Variants in DIPK1A observed in about 807,000 individuals in gnomAD.
DIPK1A encodes the protein family with sequence similarity 69 member A.
In DIPK1A, 27 loss-of-function variants were observed where a neutral mutation model predicts 40.8. The observed-to-expected ratio is 0.66, with a 90% CI of 0.49 to 0.91. The LOEUF is 0.91. Among genes scored for constraint, DIPK1A ranks in the 40% least tolerant of loss-of-function variants. DIPK1A has a pLI of 0.00. For synonymous variants in DIPK1A, 166 were observed against 171.3 expected (o/e 0.97, Z 0.24); for missense variants, 412 against 505.7 (o/e 0.81, Z 1.78).
At chr1:92,861,849 C>A (rs566247554) in intron 2 of DIPK1A, among the ~76,000 whole-genome samples, 5 of 151,912 alleles carry the variant, frequency 3.3e-5, no homozygotes, top group African/African-American at 4.8e-5. Flanking sequence ...TGGCGTTATG[C>A]CTCACTGTAG....
At chr1:92,880,185 T>G (rs1025620181) in intron 1 of DIPK1A, among the ~76,000 whole-genome samples, 1 of 152,218 alleles carries the variant, frequency 6.6e-6, no homozygotes, top group Non-Finnish European at 1.5e-5. Flanking sequence ...CAAAATGTGT[T>G]TGAGAAACTT....
At chr1:92,912,003 C>CAAAAAAAAA in intron 1 of DIPK1A, among the ~76,000 whole-genome samples, 1 of 43,672 alleles carries the variant, frequency 2.3e-5, no homozygotes, top group Non-Finnish European at 3.6e-5. Context: ...GACTCCATCT[C>CAAAAAAAAA]AAAAAAAAAA....
At chr1:92,834,734 C>G (rs747429475) in intron 4 of DIPK1A, 1 of 1,609,120 alleles carries the variant, frequency 6.2e-7, no homozygotes, top group East Asian at 2.2e-5. Flanking sequence ...TGTAGTAAGA[C>G]AGTGAAAGCA....
At chr1:92,924,009 A>G (rs1218175344) in intron 1 of DIPK1A, among the ~76,000 whole-genome samples, 1 of 152,260 alleles carries the variant, frequency 6.6e-6, no homozygotes, top group African/African-American at 2.4e-5. Context: ...TAGGGACTCA[A>G]ATAACATACC....
intron 1 of DIPK1A, among the ~76,000 whole-genome samples, chr1:92,951,426 G>A (rs1651628986): frequency 1.3e-5 from 2 of 152,158 alleles, no homozygotes; most frequent in African/African-American, 2.4e-5. Flanking sequence ...TCTGGAAGCC[G>A]AATCATTCCC....
chr1:92,874,441 C>A (rs1224068600), intron 2 of DIPK1A, among the ~76,000 whole-genome samples: 9 of 152,144 alleles, frequency 5.9e-5, no homozygotes, highest in Non-Finnish European at 1.3e-4. Context: ...ATATTAGTAT[C>A]TAAAAGAACC....
At chr1:92,896,743 G>A (rs1169152039) in intron 1 of DIPK1A, among the ~76,000 whole-genome samples, 1 of 152,058 alleles carries the variant, frequency 6.6e-6, no homozygotes, top group East Asian at 1.9e-4. Flanking sequence ...GAAAATTTTT[G>A]CAATCTACTC....
chr1:92,929,865 A>G (rs1442310904), intron 1 of DIPK1A, among the ~76,000 whole-genome samples: 1 of 152,188 alleles, frequency 6.6e-6, no homozygotes, highest in African/African-American at 2.4e-5. Context: ...TGACTTTCCA[A>G]GTTGTCACAA....
At chr1:92,867,076 G>C (rs1371476874) in intron 2 of DIPK1A, among the ~76,000 whole-genome samples, 1 of 152,110 alleles carries the variant, frequency 6.6e-6, no homozygotes, top group Non-Finnish European at 1.5e-5. Flanking sequence ...TTCAATACAT[G>C]AACTCATTTT....
chr1:92,868,580 A>G (rs895116430), intron 2 of DIPK1A, among the ~76,000 whole-genome samples: 1 of 152,188 alleles, frequency 6.6e-6, no homozygotes, highest in Non-Finnish European at 1.5e-5. Flanking sequence ...TCTCTACGAA[A>G]CATTGCTATT....
At chr1:92,932,101 G>A in intron 1 of DIPK1A, 1 of 358,066 alleles carries the variant, frequency 2.8e-6, no homozygotes, top group South Asian at 2.5e-5. Context: ...AAATATACCA[G>A]GGTGGTAAAG....
downstream of DIPK1A, chr1:92,837,187 T>G (rs930967963): frequency 2.0e-5 from 12 of 604,482 alleles, no homozygotes; most frequent in Non-Finnish European, 2.8e-5. Context: ...TGTGCTGATG[T>G]GCTGGATGAC....
chr1:92,957,843 C>T (rs1651912593), intron 1 of DIPK1A, among the ~76,000 whole-genome samples: 1 of 152,198 alleles, frequency 6.6e-6, no homozygotes, highest in Non-Finnish European at 1.5e-5. Context: ...AATTTTAGAA[C>T]ATTTCTGTCC....
At chr1:92,913,323 T>C (rs1649909932) in intron 1 of DIPK1A, among the ~76,000 whole-genome samples, 1 of 152,140 alleles carries the variant, frequency 6.6e-6, no homozygotes, top group Non-Finnish European at 1.5e-5. Flanking sequence ...ACAGCAGCCC[T>C]GTATGTTTGC....
chr1:92,876,029 T>A (rs983538622), intron 2 of DIPK1A, among the ~76,000 whole-genome samples: 12 of 149,508 alleles, frequency 8.0e-5, no homozygotes, highest in African/African-American at 2.4e-4. Flanking sequence ...ATTAAAAATA[T>A]ATATATATAT....
chr1:92,919,665 A>G (rs1650198453), intron 1 of DIPK1A, among the ~76,000 whole-genome samples: 1 of 152,222 alleles, frequency 6.6e-6, no homozygotes, highest in African/African-American at 2.4e-5. Flanking sequence ...TATTTACTCC[A>G]TTAGATGCAA....
intron 1 of DIPK1A, among the ~76,000 whole-genome samples, chr1:92,907,875 A>G (rs1299149065): frequency 1.3e-5 from 2 of 151,264 alleles, no homozygotes; most frequent in Admixed American, 1.3e-4. Context: ...TTAAAAATAT[A>G]TATTTTTTTG....
At chr1:92,838,914 T>G (rs964438650), downstream of DIPK1A, among the ~76,000 whole-genome samples, 2 of 152,268 alleles carry the variant, frequency 1.3e-5, no homozygotes, top group African/African-American at 4.8e-5. Flanking sequence ...TTAATAATCT[T>G]TATGCAAATG....
chr1:92,834,303 G>A (rs1687032025), intron 4 of DIPK1A, among the ~76,000 whole-genome samples: 1 of 152,206 alleles, frequency 6.6e-6, no homozygotes, highest in South Asian at 2.1e-4. Context: ...ATGTACAAAG[G>A]TGGCTCCCGC....
Sources: allele counts gnomAD v4.1 joint callset (sites outside exome capture counted in the v4.1 genomes callset), GRCh38; gene constraint gnomAD v4.1.1; transcripts MANE v1.5; gene names NCBI Gene and HGNC (gene_info 2026-07-23, HGNC 2026-07-21).